EIF4G3: variants seen among roughly 807,000 people sequenced by gnomAD.
EIF4G3 encodes eukaryotic translation initiation factor 4 gamma 3.
A neutral mutation model predicts 186.4 loss-of-function variants in EIF4G3; 34 were observed. The ratio of observed to expected loss-of-function variants is 0.18; its 90% CI spans 0.14 to 0.24. The LOEUF (loss-of-function observed/expected upper bound fraction) is 0.24, where lower values mean the gene tolerates loss of function less well. Among genes scored for constraint, EIF4G3 ranks in the 10% least tolerant of loss-of-function variants. The probability of loss-of-function intolerance (pLI) is 1.00; values close to 1 mark genes in which losing one functional copy is unlikely to be tolerated. For missense variants in EIF4G3, 1,536 were observed against 1,948.5 expected (o/e 0.79, Z 3.99); for synonymous variants, 673 against 679.5 (o/e 0.99, Z 0.15).
chr1:20,999,256 A>G, intron 6 of EIF4G3: 1 of 293,308 alleles, frequency 3.4e-6, no homozygotes, highest in Non-Finnish European at 6.9e-6. Context: ...CAGAATGATG[A>G]TAACTGGCAG....
intron 20 of EIF4G3, among the ~76,000 whole-genome samples, chr1:20,872,477 T>C (rs2079491022): frequency 6.6e-6 from 1 of 152,160 alleles, no homozygotes; most frequent in African/African-American, 2.4e-5. Context: ...AAGCCTATAG[T>C]GGTTTTTAAG....
In EIF4G3 at chr1:21,113,668, C is replaced by G. The variant is rs553983690; in HGVS notation, c.-271-24455G>C. Among the ~76,000 whole-genome samples the G allele has an allele frequency of 5.1e-4, 78 of 152,264 alleles. 4 individuals are homozygous for G. In the South Asian group the frequency reaches 0.016, roughly 32 times the overall value. On this transcript the variant is annotated intron_variant, in intron 2 of 36. Coordinates refer to ENST00000602326, the MANE Select transcript of EIF4G3 (RefSeq NM_001391906.1). ...TCATTCATTGGTCACCTGGAAAATACTGGTGCACTGTTATACAGGTCTTCC... is the reference window on the plus strand; with the variant it reads ...TCATTCATTGGTCACCTGGAAAATAGTGGTGCACTGTTATACAGGTCTTCC...
Position 21,001,298 on chromosome 1 carries a change from C to T in EIF4G3, c.45G>A (p.Val15=), listed in dbSNP as rs1323032854. ...PQTRSPPSRT[V]PIHCTDNWKR... ...TCCAGTTGTCTGTGCAATGTATTGG[C>T]ACTGTTCTGCTGGGCTGTCAAAAAA... The change falls in exon 6 of 37, where the codon GTG becomes GTA. Residue 15 remains valine, a synonymous_variant. Transcript: ENST00000602326. 2.1e-6 allele frequency: 1 copy of T among 471,276 alleles called. No individual in the cohort carries two copies. The highest frequency in any genetic ancestry group is 2.3e-5 in the Admixed American group (1 of 42,590). The allele number at this position is 471,276 out of a possible 1,614,324, so 29.2% of individuals were successfully genotyped here.
rs78650353 is a variant in EIF4G3, at chr1:20,859,596, T to A, written c.3244+789A>T. On this transcript the variant is annotated intron_variant, in intron 24 of 36. Transcript: ENST00000602326. ...ATCTTTCACTTTTTTTGCATGTCTC[T>A]ATTTTTGTTTTGTTTTGTTTTGAGA... 5.6e-3 allele frequency among the ~76,000 whole-genome samples: 855 copies of A among 152,304 alleles called. 13 individuals carry two copies. The highest frequency in any genetic ancestry group is 0.02 in the African/African-American group (819 of 41,570).
At chr1:20,988,649 AT>A (rs2154567560) in intron 7 of EIF4G3, among the ~76,000 whole-genome samples, 1 of 152,192 alleles carries the variant, frequency 6.6e-6, no homozygotes, top group South Asian at 2.1e-4. Context: ...CTTTCAAAAT[AT>A]TACTGCTTAC....
At chr1:21,112,089 C>T (rs2096736360) in intron 2 of EIF4G3, among the ~76,000 whole-genome samples, 2 of 152,130 alleles carry the variant, frequency 1.3e-5, no homozygotes, top group African/African-American at 4.8e-5. Context: ...CTCCAAAGGC[C>T]TCCACTTACA....
intron 20 of EIF4G3, among the ~76,000 whole-genome samples, chr1:20,872,712 CCTTT>C: frequency 1.6e-5 from 2 of 127,486 alleles, no homozygotes; most frequent in African/African-American, 5.6e-5. Context: ...AACTTTCTTG[CCTTT>C]TTTTTTTTTT....
intron 14 of EIF4G3, among the ~76,000 whole-genome samples, chr1:20,939,648 T>C (rs976950493): frequency 6.6e-6 from 1 of 152,192 alleles, no homozygotes; most frequent in Non-Finnish European, 1.5e-5. Context: ...TCAACTTATA[T>C]TTCCTATGAT....
intron 3 of EIF4G3, among the ~76,000 whole-genome samples, chr1:21,061,168 A>C (rs2094894577): frequency 6.6e-6 from 1 of 152,172 alleles, no homozygotes; most frequent in South Asian, 2.1e-4. Context: ...TTCCTAATCC[A>C]AAATGCTTGG....
chr1:21,033,691 T>TAC (rs1293752221), intron 4 of EIF4G3, among the ~76,000 whole-genome samples: 1 of 152,228 alleles, frequency 6.6e-6, no homozygotes, highest in African/African-American at 2.4e-5. Context: ...GCAGCCTTTA[T>TAC]ACTATAGCAA....
At chr1:21,134,061 T>A (rs527416327) in intron 2 of EIF4G3, among the ~76,000 whole-genome samples, 1 of 152,338 alleles carries the variant, frequency 6.6e-6, no homozygotes, top group South Asian at 2.1e-4. Flanking sequence ...CACATTAGAA[T>A]TTTACTTCAC....
In EIF4G3 at chr1:20,942,097, T is replaced by C. The variant is rs1365597495; in HGVS notation, c.1057A>G (p.Ile353Val). 6 of 1,614,208 alleles carry C rather than the reference T, an allele frequency of 3.7e-6. No homozygotes were observed. The highest frequency in any genetic ancestry group is 2.7e-5 in the African/African-American group (2 of 75,058). ...LSSQPIFTTA[I>V]DDRCELSSPR... is the part of the protein sequence containing the mutation. Reference sequence around the variant, plus strand: ...GATGAGAGTTCACATCTGTCATCTATAGCAGTGGTGAATATTGGTTGGCTA... The same window carrying C: ...GATGAGAGTTCACATCTGTCATCTACAGCAGTGGTGAATATTGGTTGGCTA... Residue 353 changes from isoleucine (I) to valine (V), a missense_variant, in exon 14 of 37, where the codon ATA (isoleucine) becomes GTA (valine). By Grantham distance (29) the Ile-to-Val change is conservative. This residue lies in a region of EIF4G3 where 560 missense variants were observed against 547.8 expected (regional missense o/e 1.02). Coordinates refer to ENST00000602326, the MANE Select transcript of EIF4G3 (RefSeq NM_001391906.1).
chr1:20,894,857 G>T (rs188439395), intron 17 of EIF4G3, among the ~76,000 whole-genome samples: 103 of 152,246 alleles, frequency 6.8e-4, no homozygotes, highest in African/African-American at 2.3e-3. Flanking sequence ...AAAGAGGAAG[G>T]ATGCCTATTT....
intron 22 of EIF4G3, among the ~76,000 whole-genome samples, chr1:20,863,734 G>A (rs1010037731): frequency 1.3e-5 from 2 of 150,300 alleles, no homozygotes; most frequent in South Asian, 2.1e-4. Context: ...ATGAGCCACC[G>A]TGCCCGGCTG....
At position 20,807,988 on chromosome 1, in the gene EIF4G3, A is replaced by G. The variant is rs1414569326; in HGVS notation, c.4745-488T>C. The stretch of plus-strand genomic sequence containing the variant: ...ACAGGCGCCTGCCTGGGTTGAAGCA[A>G]TTTTCCTGCCTCAGCCTCCCAAGTA... On this transcript the variant is annotated intron_variant, in intron 36 of 36. Transcript: ENST00000602326. 2.7e-5 allele frequency among the ~76,000 whole-genome samples: 4 copies of G among 149,430 alleles called. No homozygotes were observed. In the East Asian group the frequency reaches 7.9e-4, roughly 29 times the overall value.
intron 4 of EIF4G3, among the ~76,000 whole-genome samples, chr1:21,019,789 C>T (rs991844539): frequency 1.3e-5 from 2 of 152,130 alleles, no homozygotes; most frequent in African/African-American, 4.8e-5. Flanking sequence ...GAGGCTGAGG[C>T]AGGAGAATCG....
intron 2 of EIF4G3, among the ~76,000 whole-genome samples, chr1:21,115,233 T>C (rs1281448379): frequency 6.6e-6 from 1 of 152,154 alleles, no homozygotes; most frequent in East Asian, 1.9e-4. Flanking sequence ...AACCCTTCCT[T>C]TCACATGACC....
intron 14 of EIF4G3, among the ~76,000 whole-genome samples, chr1:20,910,030 G>A (rs2092939012): frequency 2.0e-5 from 3 of 152,026 alleles, no homozygotes; most frequent in Admixed American, 2.0e-4. Context: ...TGATCCTCCT[G>A]ACTTGGCCTC....
intron 2 of EIF4G3, among the ~76,000 whole-genome samples, chr1:21,096,466 C>G (rs2096373341): frequency 6.6e-6 from 1 of 152,192 alleles, no homozygotes; most frequent in Admixed American, 6.6e-5. Context: ...ACCCTGACTT[C>G]ACCACTACAG....
Sources: allele counts gnomAD v4.1 joint callset (sites outside exome capture counted in the v4.1 genomes callset), GRCh38; gene constraint gnomAD v4.1.1; regional missense constraint gnomAD v4.1.1; transcripts MANE v1.5; gene names NCBI Gene and HGNC (gene_info 2026-07-23, HGNC 2026-07-21).